Variants in MROH7 observed in about 807,000 individuals in gnomAD.
The protein encoded by MROH7 is maestro heat like repeat family member 7.
MROH7 carries 113 observed loss-of-function variants against 129.2 expected under a neutral mutation model. The observed-to-expected ratio is 0.87, with a 90% CI of 0.75 to 1.02. The LOEUF (loss-of-function observed/expected upper bound fraction) is 1.02. Among genes scored for constraint, MROH7 ranks in the 50% least tolerant of loss-of-function variants. The pLI is 0.00. For missense variants in MROH7, 1,601 were observed against 1,671.3 expected (o/e 0.96, Z 0.73); for synonymous variants, 655 against 667.9 (o/e 0.98, Z 0.30).
intron 8 of MROH7, 130 bp from the exon 9 acceptor site, chr1:54,673,571 G>GA (rs957213404): frequency 1.4e-6 from 1 of 693,210 alleles, no homozygotes; most frequent in African/African-American, 1.8e-5. Flanking sequence ...CCAAGAAGAG[G>GA]AGGAGGGCTG....
rs138838053 is a variant in MROH7 at position 54,673,798 on chromosome 1, C to T, written c.1793C>T (p.Pro598Leu). 793 of 1,613,560 alleles carry T rather than the reference C, an allele frequency of 4.9e-4. 4 individuals are homozygous for T. In the African/African-American group the frequency reaches 9.4e-3, roughly 19 times the overall value. ...TTGAACCACATGCTTCTAACTCTGC[C>T]TTTCTTTGTGAGTGGCCCCTGGGAG... Reference protein sequence around the residue: ...SVLNHMLLTLPFFMPLGFPAL... With the variant: ...SVLNHMLLTLLFFMPLGFPAL... Residue 598 changes from proline (P) to leucine (L), a missense_variant, in exon 9 of 24, where the codon CCT becomes CTT. By Grantham distance (98) the Pro-to-Leu change is moderately conservative. Coordinates refer to ENST00000421030, the MANE Select transcript of MROH7 (RefSeq NM_001039464.4).
In MROH7 at chr1:54,702,226, G is replaced by A; in HGVS notation, c.3422G>A (p.Gly1141Asp). ...LVPLLLTMQE[G>D]NSKVSQKCVK... ...CCCCTACTGCTGACCATGCAGGAGG[G>A]CAACTCCAAGGTAAGCCAGGTGAGT... Residue 1141 changes from glycine to aspartate, a missense_variant, in exon 20 of 24, where the codon GGC becomes GAC. Physicochemically the swap from Gly to Asp is moderately conservative, Grantham distance 94 (BLOSUM62 -1). Transcript: ENST00000421030. 6.4e-7 allele frequency: 1 copy of A among 1,562,092 alleles called. No homozygotes were observed.
intron 8 of MROH7, 124 bp from the exon 9 acceptor site, chr1:54,673,577 G>A (rs1290070096): frequency 1.4e-6 from 1 of 707,458 alleles, no homozygotes; most frequent in Non-Finnish European, 2.5e-6. Flanking sequence ...AGAGGAGGAG[G>A]GCTGTGGTGA....
rs1644446944 is a variant in MROH7, at chr1:54,645,289, T to A, written c.-110+3321T>A. ...TTACATTAAGATTTTTTTTTTCTTTTTTCTGAGACAGTCTTGCTCTGTCAC... is the reference window on the plus strand; with the variant it reads ...TTACATTAAGATTTTTTTTTTCTTTATTCTGAGACAGTCTTGCTCTGTCAC... On this transcript the variant is annotated intron_variant, in intron 1 of 23. Coordinates refer to ENST00000421030, the MANE Select transcript of MROH7 (RefSeq NM_001039464.4). 3.3e-5 allele frequency among the ~76,000 whole-genome samples: 5 copies of A among 152,226 alleles called. No homozygotes were observed. The South Asian group carries it at 1.0e-3, about 32-fold the overall frequency.
chr1:54,700,270 G>A, intron 17 of MROH7, 51 bp from the exon 18 acceptor site: 1 of 1,612,240 alleles, frequency 6.2e-7, no homozygotes. Context: ...GAGGCCAGGG[G>A]GCTGCCCTGC....
At chr1:54,680,066 C>CA (rs775127009) in intron 13 of MROH7, 21 bp downstream of exon 13, 2 of 1,609,718 alleles carry the variant, frequency 1.2e-6, no homozygotes, top group African/African-American at 2.7e-5. Context: ...AAGGGGTTCC[C>CA]AGCCACTGCA....
In MROH7 at chr1:54,702,156, C is replaced by T. The variant is rs1440715208; in HGVS notation, c.3352C>T (p.Pro1118Ser). ...YGKVVQKLRA[P>S]RTQAMEEQLV... is the part of the protein sequence containing the mutation. ...GAAGGTGGTCCAGAAGCTTCGGGCA[C>T]CACGCACTCAGGCCATGGAGGAGCA... is the stretch of plus-strand genomic sequence containing the variant. The change falls in exon 20 of 24, where the codon CCA (proline) becomes TCA (serine). Residue 1118 changes from proline to serine, a missense_variant. Transcript: ENST00000421030. 3.1e-6 allele frequency: 5 copies of T among 1,611,230 alleles called. No individual in the cohort carries two copies. The highest frequency in any genetic ancestry group is 2.7e-5 in the African/African-American group (2 of 74,728).
In MROH7 at chr1:54,701,152, G is replaced by A. The variant is rs750134402; in HGVS notation, c.3115G>A (p.Val1039Met). Residue 1039 changes from valine to methionine, a missense_variant, in exon 19 of 24, where the codon GTG becomes ATG. Transcript: ENST00000421030. ...LARRSEKTAKVKALLPSMVKG... is the reference protein window; with the variant it reads ...LARRSEKTAKMKALLPSMVKG... ...TGCTCCTGCCCCACAGACCGCCAAGGTGAAGGCCCTCCTGCCCTCCATGGT... is the reference window on the plus strand; with the variant it reads ...TGCTCCTGCCCCACAGACCGCCAAGATGAAGGCCCTCCTGCCCTCCATGGT... The A allele has an allele frequency of 4.3e-6, 7 of 1,613,568 alleles. No homozygotes were observed.
chr1:54,653,998 G>T lies in MROH7; in HGVS notation c.1072G>T (p.Asp358Tyr), dbSNP rs1294751097. Reference protein sequence around the residue: ...TSTLTLSSQQDDAKDNSIHTV... With the variant: ...TSTLTLSSQQYDAKDNSIHTV... ...CACCTTGACGCTGAGCAGTCAGCAGGATGATGCCAAGGACAACAGCATCCA... is the reference window on the plus strand; with the variant it reads ...CACCTTGACGCTGAGCAGTCAGCAGTATGATGCCAAGGACAACAGCATCCA... The change falls in exon 3 of 24, where the codon GAT becomes TAT. Residue 358 changes from aspartate to tyrosine, a missense_variant. By Grantham distance (160) the Asp-to-Tyr change is radical (BLOSUM62 -3). Transcript: ENST00000421030. 1 of 1,614,224 alleles carries T rather than the reference G, an allele frequency of 6.2e-7. No homozygotes were observed.
chr1:54,667,733 G>A (rs577255511), intron 4 of MROH7, among the ~76,000 whole-genome samples: 1 of 151,728 alleles, frequency 6.6e-6, no homozygotes, highest in African/African-American at 2.4e-5. Flanking sequence ...TGGGATTACA[G>A]GCATGAGCCA....
At chr1:54,682,548 G>A (rs1645086812) in intron 13 of MROH7, 108 bp from the exon 14 acceptor site, 1 of 1,086,000 alleles carries the variant, frequency 9.2e-7, no homozygotes, top group East Asian at 2.5e-5. Context: ...TGTGCCCATG[G>A]ATGCCATTTC....
intron 10 of MROH7, among the ~76,000 whole-genome samples, chr1:54,675,590 C>T (rs661485): frequency 0.28 from 41,933 of 148,396 alleles, 5,962 homozygotes; most frequent in South Asian, 0.45. Flanking sequence ...TATTCTGGCT[C>T]GGGACGCTGC....
Position 54,653,411 on chromosome 1 carries a change from A to G in MROH7, c.485A>G (p.Lys162Arg), listed in dbSNP as rs970158617. The change falls in exon 3 of 24, where the codon AAG (lysine) becomes AGG (arginine). Residue 162 changes from lysine to arginine, a missense_variant. Physicochemically the swap from Lys to Arg is conservative, Grantham distance 26. Transcript: ENST00000421030. ...AFKCLSSKIF[K>R]LGQRNSNPSR... The stretch of plus-strand genomic sequence containing the variant: ...AAGTGCCTCTCAAGTAAGATTTTCA[A>G]GTTGGGTCAGAGAAACTCCAACCCT... 2 of 1,614,208 alleles carry G rather than the reference A, an allele frequency of 1.2e-6. No homozygotes were observed. The highest frequency in any genetic ancestry group is 1.7e-5 in the Admixed American group (1 of 60,020).
chr1:54,653,529 C>T lies in MROH7; in HGVS notation c.603C>T (p.Leu201=). The T allele has an allele frequency of 1.2e-6, 2 of 1,614,156 alleles. No homozygotes were observed. Among genetic ancestry groups the T allele is most frequent in the Non-Finnish European group, 1.7e-6 (2 of 1,180,038 alleles). ...HCISRPSSKA[L]LIPTSNSSLD... Reference sequence around the variant, plus strand: ...TCTCTAGGCCAAGCTCAAAAGCACTCCTTATTCCAACCTCAAACTCTTCTC... The same window carrying T: ...TCTCTAGGCCAAGCTCAAAAGCACTTCTTATTCCAACCTCAAACTCTTCTC... Residue 201 remains leucine, a synonymous_variant, in exon 3 of 24, where the codon CTC becomes CTT. Transcript: ENST00000421030.
At chr1:54,689,820 G>A (rs1044396973) in intron 15 of MROH7, among the ~76,000 whole-genome samples, 4 of 152,138 alleles carry the variant, frequency 2.6e-5, no homozygotes, top group African/African-American at 9.7e-5. Context: ...GACCAGCCTA[G>A]GCAACATGGC....
chr1:54,665,599 C>G (rs1395443059), intron 4 of MROH7: 1 of 175,260 alleles, frequency 5.7e-6, no homozygotes, highest in Non-Finnish European at 1.2e-5. Context: ...TAGAAGTGGC[C>G]TTTTTTCAGG....
At chr1:54,648,206 T>G (rs909176029) in intron 1 of MROH7, among the ~76,000 whole-genome samples, 1 of 151,978 alleles carries the variant, frequency 6.6e-6, no homozygotes, top group African/African-American at 2.4e-5. Context: ...CTTTCCCTAT[T>G]AATGGAGGAG....
At position 54,674,020 on chromosome 1, in the gene MROH7, C is replaced by T; in HGVS notation, c.1805C>T (p.Pro602Leu). Residue 602 changes from proline to leucine, a missense_variant, in exon 10 of 24, where the codon CCC becomes CTC. Physicochemically the swap from Pro to Leu is moderately conservative, Grantham distance 98 (BLOSUM62 -3). Transcript: ENST00000421030. ...CTAAGATTGCAATACAAACAGATGC[C>T]CTTGGGGTTCCCGGCGCTGGGGCTT... The part of the protein sequence containing the change: ...HMLLTLPFFM[P>L]LGFPALGLLL... 6.2e-7 allele frequency: 1 copy of T among 1,613,896 alleles called. No homozygotes were observed. Among genetic ancestry groups the T allele is most frequent in the Non-Finnish European group, 8.5e-7 (1 of 1,179,906 alleles).
intron 23 of MROH7, 93 bp from the exon 24 acceptor site, chr1:54,709,853 T>TA: frequency 1.3e-6 from 2 of 1,490,212 alleles, no homozygotes; most frequent in South Asian, 2.5e-5. Flanking sequence ...AGAGGGTGCC[T>TA]AAGCCAAGGC....
Sources: allele counts gnomAD v4.1 joint callset (sites outside exome capture counted in the v4.1 genomes callset), GRCh38; gene constraint gnomAD v4.1.1; transcripts MANE v1.5; gene names NCBI Gene and HGNC (gene_info 2026-07-23, HGNC 2026-07-21).